SMCO4: variants seen among roughly 807,000 people sequenced by gnomAD.
The protein encoded by SMCO4 is single-pass membrane protein with coiled-coil domains 4.
SMCO4 carries 4 observed loss-of-function variants against 3.6 expected under a neutral mutation model. That is an observed-to-expected ratio of 1.11 (90% confidence interval 0.54 to 2.53). The LOEUF is 2.53. Ranked by LOEUF, SMCO4 falls within the 30% of genes most tolerant of loss-of-function variation. The probability of loss-of-function intolerance (pLI) is 0.02; values close to 1 mark genes in which losing one functional copy is unlikely to be tolerated. For synonymous variants in SMCO4, 36 were observed against 35.3 expected, an observed-to-expected ratio of 1.02 and a Z score of -0.07; for missense variants, 70 against 80.8, an observed-to-expected ratio of 0.87 and a Z score of 0.51.
chr11:93,538,133 A>AG (rs1211057773), intron 1 of SMCO4, among the ~76,000 whole-genome samples: 1 of 152,246 alleles, frequency 6.6e-6, no homozygotes, highest in Admixed American at 6.5e-5. Flanking sequence ...TACCGATGAC[A>AG]GGACATGCAG....
In SMCO4 at chr11:93,540,517, T is replaced by C. The variant is rs145449039; in HGVS notation, c.-154+2759A>G. ...AGGGAGCCCGTTAAGAGTTTACTTG[T>C]TGCTCTTCACATACAGTATCTCATT... On this transcript the variant is annotated intron_variant, in intron 1 of 2. Transcript: ENST00000298966. 3.7e-3 allele frequency among the ~76,000 whole-genome samples: 557 copies of C among 152,348 alleles called. 9 individuals carry two copies. Among genetic ancestry groups the C allele is most frequent in the African/African-American group, 0.012 (518 of 41,572 alleles).
intron 1 of SMCO4, among the ~76,000 whole-genome samples, chr11:93,506,828 G>A (rs1339354492): frequency 1.3e-5 from 2 of 152,198 alleles, no homozygotes; most frequent in African/African-American, 4.8e-5. Flanking sequence ...AATATCCCAT[G>A]TAACAAAATG....
At chr11:93,482,986 A>T (rs1948609410) in intron 2 of SMCO4, among the ~76,000 whole-genome samples, 1 of 152,194 alleles carries the variant, frequency 6.6e-6, no homozygotes. Flanking sequence ...TGACACTGAA[A>T]AAAGAAGAGG....
intron 1 of SMCO4, among the ~76,000 whole-genome samples, chr11:93,536,684 T>C (rs934052807): frequency 2.0e-5 from 3 of 152,172 alleles, no homozygotes; most frequent in African/African-American, 7.2e-5. Flanking sequence ...GGAGGGGTGC[T>C]GGGTGAAGGG....
At chr11:93,552,486 T>TATTATTATTA in the SMCO4 span, among the ~76,000 whole-genome samples, 1 of 144,546 alleles carries the variant, frequency 6.9e-6, no homozygotes, top group South Asian at 2.2e-4. Context: ...TTATTATTAT[T>TATTATTATTA]TTTGAGACAG....
intron 1 of SMCO4, among the ~76,000 whole-genome samples, chr11:93,528,665 T>G (rs1591325710): frequency 6.6e-6 from 1 of 151,656 alleles, no homozygotes. Flanking sequence ...CTGCCCAGAG[T>G]GGGTGGAGAG....
intron 2 of SMCO4, among the ~76,000 whole-genome samples, chr11:93,492,107 G>A (rs1183063564): frequency 6.6e-6 from 1 of 152,168 alleles, no homozygotes; most frequent in Non-Finnish European, 1.5e-5. Context: ...TTGTGCATCC[G>A]GGCCTTCCCC....
chr11:93,551,652 C>T, the SMCO4 span, among the ~76,000 whole-genome samples: 2 of 152,192 alleles, frequency 1.3e-5, no homozygotes, highest in African/African-American at 4.8e-5. Flanking sequence ...CCTAAACTGT[C>T]AGTGCCTGGA....
At chr11:93,553,399 G>A in the SMCO4 span, among the ~76,000 whole-genome samples, 2 of 152,196 alleles carry the variant, frequency 1.3e-5, no homozygotes, top group African/African-American at 4.8e-5. Context: ...ATAAGTCTGT[G>A]TATAAACTCA....
intron 1 of SMCO4, among the ~76,000 whole-genome samples, chr11:93,522,179 C>A (rs1252183392): frequency 6.6e-6 from 1 of 152,148 alleles, no homozygotes; most frequent in African/African-American, 2.4e-5. Flanking sequence ...GGATTTGTAT[C>A]GCTGAATATG....
intron 2 of SMCO4, among the ~76,000 whole-genome samples, chr11:93,489,573 G>A (rs968363600): frequency 1.3e-5 from 2 of 152,172 alleles, no homozygotes; most frequent in Non-Finnish European, 2.9e-5. Flanking sequence ...CGCAGGTGTA[G>A]GCATAGAAAA....
chr11:93,499,819 AAAG>A (rs1192949530), intron 1 of SMCO4, among the ~76,000 whole-genome samples: 1 of 152,196 alleles, frequency 6.6e-6, no homozygotes, highest in African/African-American at 2.4e-5. Flanking sequence ...GGGAAAAATA[AAAG>A]ATGAGAAAGT....
rs576426989 is a variant in SMCO4, at chr11:93,514,804, C to T, written c.-153-15456G>A. ...AATAGTAACAGCTGCATTTGTTCAGCATCTACCACATACCAGACATAGCTA... is the reference window on the plus strand; with the variant it reads ...AATAGTAACAGCTGCATTTGTTCAGTATCTACCACATACCAGACATAGCTA... On this transcript the variant is annotated intron_variant, in intron 1 of 2. Transcript: ENST00000298966. 3.3e-5 allele frequency among the ~76,000 whole-genome samples: 5 copies of T among 152,316 alleles called. No homozygotes were observed. The East Asian group carries it at 9.7e-4, about 29-fold the overall frequency.
chr11:93,514,223 G>A (rs1397558078), intron 1 of SMCO4, among the ~76,000 whole-genome samples: 1 of 151,766 alleles, frequency 6.6e-6, no homozygotes, highest in Non-Finnish European at 1.5e-5. Context: ...GAGGGCTATA[G>A]GCCAGTGGTT....
At chr11:93,522,781 T>C (rs1054246785) in intron 1 of SMCO4, among the ~76,000 whole-genome samples, 3 of 152,116 alleles carry the variant, frequency 2.0e-5, no homozygotes, top group Non-Finnish European at 4.4e-5. Context: ...CATTTGCAAT[T>C]CCCTTAGTGT....
chr11:93,502,260 T>C (rs1948847754), intron 1 of SMCO4, among the ~76,000 whole-genome samples: 1 of 152,206 alleles, frequency 6.6e-6, no homozygotes. Flanking sequence ...GAAGCAAAAC[T>C]ATGCTATTGA....
At chr11:93,539,608 G>T (rs912053299) in intron 1 of SMCO4, among the ~76,000 whole-genome samples, 3 of 152,078 alleles carry the variant, frequency 2.0e-5, no homozygotes, top group African/African-American at 7.2e-5. Context: ...AATTCTCAGA[G>T]GAAATTCTGG....
intron 1 of SMCO4, among the ~76,000 whole-genome samples, chr11:93,537,194 G>C (rs538107363): frequency 1.4e-3 from 218 of 152,320 alleles, no homozygotes; most frequent in Non-Finnish European, 2.7e-3. Context: ...CTGCTCCCAG[G>C]CAAAGCCAAA....
intron 1 of SMCO4, among the ~76,000 whole-genome samples, chr11:93,532,986 G>T (rs1949177818): frequency 6.6e-6 from 1 of 152,218 alleles, no homozygotes; most frequent in South Asian, 2.1e-4. Context: ...TGTATTTCCT[G>T]AATGAATTCT....
Sources: allele counts gnomAD v4.1 joint callset (sites outside exome capture counted in the v4.1 genomes callset), GRCh38; gene constraint gnomAD v4.1.1; transcripts MANE v1.5; gene names NCBI Gene and HGNC (gene_info 2026-07-23, HGNC 2026-07-21).